The following SGCZ variants were observed in gnomAD, a reference collection of about 807,000 sequenced individuals.
The protein encoded by SGCZ is zeta-sarcoglycan.
A neutral mutation model predicts 41.3 loss-of-function variants in SGCZ; 40 were observed. The observed-to-expected ratio is 0.97, with a 90% CI of 0.75 to 1.26. SGCZ has a LOEUF of 1.26. Ranked by LOEUF, SGCZ falls within the 50% of genes most tolerant of loss-of-function variation. SGCZ has a pLI of 0.00. For missense variants in SGCZ, 552 were observed against 369.8 expected, an observed-to-expected ratio of 1.49 and a Z score of -4.04; for synonymous variants, 206 against 137.5, an observed-to-expected ratio of 1.50 and a Z score of -3.49.
At chr8:14,210,936 C>T (rs189848371) in intron 4 of SGCZ, among the ~76,000 whole-genome samples, 3 of 152,242 alleles carry the variant, frequency 2.0e-5, no homozygotes, top group African/African-American at 7.2e-5. Flanking sequence ...AGTCAAAGAC[C>T]ATTCTTGATT....
intron 1 of SGCZ, among the ~76,000 whole-genome samples, chr8:14,718,852 TA>T (rs1473237045): frequency 6.8e-5 from 9 of 133,332 alleles, no homozygotes; most frequent in East Asian, 6.7e-4. Context: ...TATATATATA[TA>T]TTTTTATTAT....
At chr8:14,257,159 C>G (rs1799493952) in intron 3 of SGCZ, among the ~76,000 whole-genome samples, 2 of 151,894 alleles carry the variant, frequency 1.3e-5, no homozygotes, top group South Asian at 4.2e-4. Context: ...CAAAAATTCA[C>G]CTCTACAAAA....
intron 1 of SGCZ, among the ~76,000 whole-genome samples, chr8:14,665,783 T>A (rs1361516100): frequency 6.6e-6 from 1 of 152,224 alleles, no homozygotes; most frequent in African/African-American, 2.4e-5. Flanking sequence ...TGTGTAGAAA[T>A]CTTTACTAGC....
At chr8:14,319,468 C>A (rs1228289413) in intron 3 of SGCZ, 1 of 152,020 alleles carries the variant, frequency 6.6e-6, no homozygotes, top group Non-Finnish European at 1.5e-5. Flanking sequence ...TGTTACAGTT[C>A]TTTCAGAATC....
At chr8:15,188,885 G>T (rs2061287) in intron 1 of SGCZ, among the ~76,000 whole-genome samples, 72,844 of 151,650 alleles carry the variant, frequency 0.48, 20,018 homozygotes, top group African/African-American at 0.72. Context: ...GAGTGTGGGA[G>T]GAAAAAAAGA....
intron 1 of SGCZ, among the ~76,000 whole-genome samples, chr8:14,983,916 T>C (rs1019416186): frequency 6.6e-6 from 1 of 152,228 alleles, no homozygotes; most frequent in Non-Finnish European, 1.5e-5. Flanking sequence ...ATTATAAATG[T>C]ACCACAAACT....
intron 1 of SGCZ, among the ~76,000 whole-genome samples, chr8:14,595,366 G>C (rs766611841): frequency 1.1e-4 from 16 of 149,160 alleles, no homozygotes; most frequent in Non-Finnish European, 2.2e-4. Context: ...CTTTGTGTTT[G>C]TACTCACATA....
intron 1 of SGCZ, among the ~76,000 whole-genome samples, chr8:15,017,478 C>A (rs1431153089): frequency 1.3e-5 from 2 of 152,078 alleles, no homozygotes; most frequent in African/African-American, 2.4e-5. Context: ...AAATTGCATA[C>A]CATAGGTCCA....
At chr8:15,147,514 G>A (rs1312806007) in intron 1 of SGCZ, among the ~76,000 whole-genome samples, 1 of 152,182 alleles carries the variant, frequency 6.6e-6, no homozygotes, top group Non-Finnish European at 1.5e-5. Flanking sequence ...CTGACCTCAG[G>A]TGATCCACCT....
intron 1 of SGCZ, among the ~76,000 whole-genome samples, chr8:14,816,535 A>G (rs570765918): frequency 1.2e-4 from 18 of 152,334 alleles, no homozygotes; most frequent in Non-Finnish European, 2.6e-4. Context: ...TATGTAAATA[A>G]TTATCATAAA....
intron 1 of SGCZ, among the ~76,000 whole-genome samples, chr8:15,212,406 G>C (rs1363323883): frequency 3.3e-5 from 5 of 152,020 alleles, no homozygotes; most frequent in African/African-American, 1.2e-4. Context: ...AAAAATCCTA[G>C]GAGTTTAGAT....
At chr8:14,778,772 G>A (rs1225567949) in intron 1 of SGCZ, among the ~76,000 whole-genome samples, 1 of 152,138 alleles carries the variant, frequency 6.6e-6, no homozygotes, top group Non-Finnish European at 1.5e-5. Flanking sequence ...AGAACACAGT[G>A]AGATATAATT....
At chr8:14,278,529 C>G (rs901283575) in intron 3 of SGCZ, among the ~76,000 whole-genome samples, 1 of 151,862 alleles carries the variant, frequency 6.6e-6, no homozygotes, top group African/African-American at 2.4e-5. Context: ...CCCAACTACT[C>G]AAAGTTATAG....
intron 1 of SGCZ, among the ~76,000 whole-genome samples, chr8:15,156,967 AAAAG>A (rs950533259): frequency 2.6e-5 from 4 of 151,860 alleles, no homozygotes; most frequent in Admixed American, 6.6e-5. Flanking sequence ...AAAGAAAAGA[AAAAG>A]AAAGAAAGAG....
At chr8:14,643,017 A>T (rs1223061131) in intron 1 of SGCZ, among the ~76,000 whole-genome samples, 1 of 151,656 alleles carries the variant, frequency 6.6e-6, no homozygotes. Context: ...TTAAATGAAT[A>T]TATTTTGACT....
intron 1 of SGCZ, among the ~76,000 whole-genome samples, chr8:14,946,597 C>T (rs1208973278): frequency 2.6e-5 from 4 of 151,806 alleles, no homozygotes; most frequent in Admixed American, 6.6e-5. Context: ...CATACACAGC[C>T]GGTGTTCACT....
At chr8:14,789,891 A>G (rs1800893399) in intron 1 of SGCZ, among the ~76,000 whole-genome samples, 1 of 152,156 alleles carries the variant, frequency 6.6e-6, no homozygotes, top group Non-Finnish European at 1.5e-5. Flanking sequence ...CGCTTCTTCA[A>G]TAAAATTTCA....
At chr8:14,796,057 C>T (rs1160844622) in intron 1 of SGCZ, among the ~76,000 whole-genome samples, 1 of 152,138 alleles carries the variant, frequency 6.6e-6, no homozygotes, top group African/African-American at 2.4e-5. Flanking sequence ...ACCACATTTT[C>T]TTTATCCAGT....
Position 15,212,504 on chromosome 8 carries a change from T to C in SGCZ, c.39+25081A>G, listed in dbSNP as rs146241582. On this transcript the variant is annotated intron_variant, in intron 1 of 7. Transcript: ENST00000382080. The stretch of plus-strand genomic sequence containing the variant: ...TAAAATAACTTGGGGAATTATTTCC[T>C]TGATAGTATCTTTTGAATTTAATTT... 3.7e-3 allele frequency among the ~76,000 whole-genome samples: 568 copies of C among 152,306 alleles called. 5 individuals are homozygous for C. The highest frequency in any genetic ancestry group is 0.011 in the African/African-American group (445 of 41,588).
Sources: allele counts gnomAD v4.1 joint callset (sites outside exome capture counted in the v4.1 genomes callset), GRCh38; gene constraint gnomAD v4.1.1; transcripts MANE v1.5; gene names NCBI Gene and HGNC (gene_info 2026-07-23, HGNC 2026-07-21).